Variants in KCNC1 observed in about 807,000 individuals in gnomAD.
The protein encoded by KCNC1 is potassium voltage-gated channel subfamily C member 1, also known as voltage-gated potassium channel KCNC1.
Under a neutral mutation model 43.4 loss-of-function variants are expected in KCNC1, and 8 were observed. The ratio of observed to expected loss-of-function variants is 0.18; its 90% CI spans 0.11 to 0.33. The LOEUF is 0.33. KCNC1 is among the 10% of genes least tolerant of loss of function. The pLI, the probability that KCNC1 is intolerant of heterozygous loss-of-function variation, is 1.00. For missense variants in KCNC1, 420 were observed against 836.0 expected, an observed-to-expected ratio of 0.50 and a Z score of 6.14; for synonymous variants, 361 against 360.5, an observed-to-expected ratio of 1.00 and a Z score of -0.01.
chr11:17,771,606 A>C lies in KCNC1; in HGVS notation c.571-59A>C, dbSNP rs907870726. On this transcript the variant is annotated intron_variant, in intron 1 of 3. Transcript: ENST00000265969. The surrounding 1 kb of genome is among the most constrained non-coding windows in gnomAD (Gnocchi z 4.7). ...CTGGCCCTGGGACTGGACAGAGGCA[A>C]CCCAGGCTTCTCCACTCTGGGTGGG... 2.7e-5 allele frequency: 40 copies of C among 1,493,344 alleles called. No homozygotes were observed. The highest frequency in any genetic ancestry group is 1.7e-4 in the African/African-American group (12 of 72,274). The allele number at this position is 1,493,344 out of a possible 1,614,324, so 92.5% of individuals were successfully genotyped here.
At chr11:17,750,535 A>G (rs1027091730) in intron 1 of KCNC1, among the ~76,000 whole-genome samples, 3 of 152,148 alleles carry the variant, frequency 2.0e-5, no homozygotes, top group Non-Finnish European at 2.9e-5. Context: ...CCTGGAATGT[A>G]GGAATCACAG....
intron 1 of KCNC1, among the ~76,000 whole-genome samples, chr11:17,745,123 G>A (rs934382202): frequency 1.3e-5 from 2 of 152,164 alleles, no homozygotes; most frequent in African/African-American, 4.8e-5. Context: ...TTCATGCACG[G>A]TGGAGTCTGA....
rs920182710 is a variant in KCNC1 at position 17,779,515 on chromosome 11, A to G, written c.1564A>G (p.Ile522Val). 3 of 1,551,240 alleles carry G rather than the reference A, an allele frequency of 1.9e-6. No individual in the cohort carries two copies. The highest frequency in any genetic ancestry group is 1.4e-5 in the African/African-American group (1 of 73,028). The change falls in exon 3 of 4, where the codon ATA (isoleucine) becomes GTA (valine). Residue 522 changes from isoleucine to valine, a missense_variant. Transcript: ENST00000265969. The surrounding 1 kb of genome is among the most constrained non-coding windows in gnomAD (Gnocchi z 7.2). ...AALANEDCPH[I>V]DQALTPDEGL... ...GCTGGCGAACGAAGACTGCCCCCACATAGACCAGGCCCTCACTCCCGATGA... is the reference window on the plus strand; with the variant it reads ...GCTGGCGAACGAAGACTGCCCCCACGTAGACCAGGCCCTCACTCCCGATGA...
intron 1 of KCNC1, among the ~76,000 whole-genome samples, chr11:17,764,935 C>A (rs1849132154): frequency 6.6e-6 from 1 of 152,208 alleles, no homozygotes; most frequent in South Asian, 2.1e-4. Flanking sequence ...ACTGACTCCG[C>A]ATGGATTAAC....
At position 17,776,343 on chromosome 11, in the gene KCNC1, C is replaced by A; in HGVS notation, c.1505-3113C>A. On this transcript the variant is annotated intron_variant, in intron 2 of 3. Transcript: ENST00000265969. This position sits in a 1 kb window ranked among gnomAD's most constrained non-coding sequence, Gnocchi z 4.4. ...TTCCTGAGTCCCCAGCTGGGCAGAT[C>A]CCTCAGGGCTAAACCCAAGGAAATG... 1 of 985,312 alleles carries A rather than the reference C, an allele frequency of 1.0e-6. No homozygotes were observed. Among genetic ancestry groups the A allele is most frequent in the Middle Eastern group, 5.2e-4 (1 of 1,914 alleles). The allele number at this position is 985,312 out of a possible 1,614,324, so 61.0% of individuals were successfully genotyped here. A position where few individuals can be genotyped will look rare whatever the true frequency, so the allele number is the denominator to read the frequency against.
At chr11:17,775,869 A>C in intron 2 of KCNC1, 1 of 985,494 alleles carries the variant, frequency 1.0e-6, no homozygotes, top group Non-Finnish European at 1.2e-6. Flanking sequence ...CTGGGAGCTA[A>C]CCTTGCAGCC....
At chr11:17,764,825 T>TCCCGG (rs1363943092) in intron 1 of KCNC1, among the ~76,000 whole-genome samples, 1 of 152,142 alleles carries the variant, frequency 6.6e-6, no homozygotes, top group African/African-American at 2.4e-5. Context: ...CTGTGAGCAT[T>TCCCGG]CCCGGCCCGC....
At chr11:17,749,643 C>T (rs1019369360) in intron 1 of KCNC1, among the ~76,000 whole-genome samples, 1 of 152,346 alleles carries the variant, frequency 6.6e-6, no homozygotes, top group African/African-American at 2.4e-5. Flanking sequence ...AACACGGCCA[C>T]CTGCTGGGCC....
intron 1 of KCNC1, among the ~76,000 whole-genome samples, chr11:17,746,193 C>T (rs372459754): frequency 1.7e-4 from 26 of 152,320 alleles, no homozygotes; most frequent in African/African-American, 4.3e-4. Flanking sequence ...CCTGGAGCAG[C>T]GAATAACAGG....
At position 17,735,820 on chromosome 11, in the gene KCNC1, G is replaced by A; in HGVS notation, c.-183G>A. ...CGCACATTCCCCTGGACCGGCACCC[G>A]ACAAAGCGCCCGGAGAGGCTTGGCT... On this transcript the variant is annotated 5_prime_UTR_variant, in exon 1 of 4. Transcript: ENST00000265969. The surrounding 1 kb of genome is among the most constrained non-coding windows in gnomAD (Gnocchi z 6.7). 1.6e-6 allele frequency: 1 copy of A among 622,272 alleles called. No homozygotes were observed. The highest frequency in any genetic ancestry group is 2.5e-6 in the Non-Finnish European group (1 of 401,706). The allele number at this position is 622,272 out of a possible 1,614,324, so 38.5% of individuals were successfully genotyped here.
chr11:17,777,449 C>T lies in KCNC1; in HGVS notation c.1505-2007C>T, dbSNP rs1311254275. ...GCCTCAACCCCCACATCGTCATCCGCGTCCTCTCCATACTGTTTCCCTCCC... is the reference window on the plus strand; with the variant it reads ...GCCTCAACCCCCACATCGTCATCCGTGTCCTCTCCATACTGTTTCCCTCCC... On this transcript the variant is annotated intron_variant, in intron 2 of 3. Transcript: ENST00000265969. This position sits in a 1 kb window ranked among gnomAD's most constrained non-coding sequence, Gnocchi z 4.3. The T allele has an allele frequency of 2.1e-5, 21 of 985,852 alleles. No homozygotes were observed. The highest frequency in any genetic ancestry group is 1.1e-4 in the East Asian group (1 of 8,804). 61.1% of individuals were successfully genotyped at this position (985,852 alleles called of 1,614,324 possible).
chr11:17,749,526 G>A (rs1289651037), intron 1 of KCNC1, among the ~76,000 whole-genome samples: 1 of 152,216 alleles, frequency 6.6e-6, no homozygotes, highest in Non-Finnish European at 1.5e-5. Context: ...CCAGAGCAGG[G>A]CAGTGAACAC....
At chr11:17,750,285 G>GT (rs1848952044) in intron 1 of KCNC1, among the ~76,000 whole-genome samples, 1 of 152,194 alleles carries the variant, frequency 6.6e-6, no homozygotes, top group Admixed American at 6.5e-5. Flanking sequence ...ATTTTCCTGG[G>GT]TATAAGGAGG....
At position 17,773,620 on chromosome 11, in the gene KCNC1, A is replaced by G; in HGVS notation, c.1504+1022A>G. 1 of 985,438 alleles carries G rather than the reference A, an allele frequency of 1.0e-6. No individual in the cohort carries two copies. 61.0% of individuals were successfully genotyped at this position (985,438 alleles called of 1,614,324 possible). A position where few individuals can be genotyped will look rare whatever the true frequency, so the allele number is the denominator to read the frequency against. On this transcript the variant is annotated intron_variant, in intron 2 of 3. Transcript: ENST00000265969. This position sits in a 1 kb window ranked among gnomAD's most constrained non-coding sequence, Gnocchi z 4.1. ...ACCGTGGGATATATTCTAATATTCC[A>G]TGGCTAGTGGTTTGTTATGGGACTA...
intron 1 of KCNC1, among the ~76,000 whole-genome samples, chr11:17,749,960 G>T (rs1207752134): frequency 6.6e-6 from 1 of 152,238 alleles, no homozygotes; most frequent in Non-Finnish European, 1.5e-5. Context: ...AGTGCCATGT[G>T]CAGGAAGAGG....
At chr11:17,751,325 A>G (rs1230346206) in intron 1 of KCNC1, among the ~76,000 whole-genome samples, 1 of 152,230 alleles carries the variant, frequency 6.6e-6, no homozygotes, top group Non-Finnish European at 1.5e-5. Context: ...GTGGATGGAT[A>G]CAAGTGAATG....
chr11:17,778,034 T>A (rs557835661), intron 2 of KCNC1, among the ~76,000 whole-genome samples: 3 of 152,288 alleles, frequency 2.0e-5, no homozygotes, highest in Non-Finnish European at 4.4e-5. Context: ...TCCCCTGACG[T>A]GGTCGTGCCC....
rs1254097223 is a variant in KCNC1, at chr11:17,771,511, G to A, written c.571-154G>A. On this transcript the variant is annotated intron_variant, in intron 1 of 3. Transcript: ENST00000265969. This position sits in a 1 kb window ranked among gnomAD's most constrained non-coding sequence, Gnocchi z 4.7. The stretch of plus-strand genomic sequence containing the variant: ...AGAGCCTGCCCTGACGGTCGTGCAG[G>A]CCCCCTGTGCCCTGAGGAGGGAAAT... Among the ~76,000 whole-genome samples the A allele has an allele frequency of 5.3e-5, 8 of 152,188 alleles. No homozygotes were observed. Among genetic ancestry groups the A allele is most frequent in the African/African-American group, 1.9e-4 (8 of 41,440 alleles).
chr11:17,766,264 TG>T (rs1320900476), intron 1 of KCNC1, among the ~76,000 whole-genome samples: 1 of 152,236 alleles, frequency 6.6e-6, no homozygotes, highest in African/African-American at 2.4e-5. Context: ...ATGTGCTCCA[TG>T]GGCTCCTGTG....
Sources: gnomAD v4.1 joint callset for allele counts (sites outside exome capture counted in the v4.1 genomes callset) on GRCh38, gnomAD v4.1.1 for gene constraint, Gnocchi (gnomAD v3.1) non-coding constraint, MANE v1.5 for transcripts, NCBI Gene and HGNC (gene_info 2026-07-23, HGNC 2026-07-21) for gene names.